Variants in NBPF12 observed in about 807,000 individuals in gnomAD.
NBPF12 encodes the protein NBPF member 12.
In NBPF12, 115 loss-of-function variants were observed where a neutral mutation model predicts 146.4. The ratio of observed to expected loss-of-function variants is 0.79; its 90% CI spans 0.68 to 0.92. The LOEUF (loss-of-function observed/expected upper bound fraction) is 0.92. NBPF12 is among the 40% of genes least tolerant of loss of function. The probability of loss-of-function intolerance (pLI) is 0.00; values close to 1 mark genes in which losing one functional copy is unlikely to be tolerated. For synonymous variants in NBPF12, 385 were observed against 508.9 expected (o/e 0.76, Z 3.28); for missense variants, 1,205 against 1,326.8 (o/e 0.91, Z 1.43).
rs1553886279 is a variant in NBPF12, at chr1:146,970,751, G to T, written c.1379+32G>T. ...CTGAATACTCAGGAGCAAGTAATGG[G>T]TGTTAACATATGAAAATGTCTAGGA... On this transcript the variant is annotated intron_variant, in intron 12 of 33. Transcript: ENST00000617844. 978 of 1,297,126 alleles carry T rather than the reference G, an allele frequency of 7.5e-4. 3 individuals carry two copies. The highest frequency in any genetic ancestry group is 1.1e-3 in the Non-Finnish European group (951 of 893,688). The allele number at this position is 1,297,126 out of a possible 1,614,324, so 80.4% of individuals were successfully genotyped here.
At chr1:146,949,138 C>G (rs1553883647), upstream of NBPF12, among the ~76,000 whole-genome samples, 17,300 of 122,944 alleles carry the variant, frequency 0.14, 1,092 homozygotes, top group South Asian at 0.34. Context: ...CCAGTGCCGG[C>G]ATGGGTCCTC....
chr1:146,941,287 G>A lies in NBPF12; in HGVS notation c.-821-2004G>A, dbSNP rs1276717532. 3.9e-4 allele frequency among the ~76,000 whole-genome samples: 59 copies of A among 151,880 alleles called. 1 individual carries two copies. The highest frequency in any genetic ancestry group is 1.3e-3 in the African/African-American group (55 of 41,364). On this transcript the variant is annotated intron_variant, in intron 1 of 35. Transcript: ENST00000617931. Reference sequence around the variant, plus strand: ...TTTACTAGACATGGGGTTTTGCCATGTTGCATAGCCCGATACGGAATTCCT... The same window carrying A: ...TTTACTAGACATGGGGTTTTGCCATATTGCATAGCCCGATACGGAATTCCT...
intron 10 of NBPF12, among the ~76,000 whole-genome samples, chr1:146,968,768 A>T (rs2101867726): frequency 6.6e-6 from 1 of 151,722 alleles, no homozygotes; most frequent in South Asian, 2.1e-4. Flanking sequence ...CTCTTTTTCA[A>T]ACAAGTAATT....
chr1:146,963,684 G>A (rs1234065914), intron 6 of NBPF12, among the ~76,000 whole-genome samples: 1 of 151,728 alleles, frequency 6.6e-6, no homozygotes, highest in Non-Finnish European at 1.5e-5. Flanking sequence ...GTGAGTGAGT[G>A]ATTTATCTTT....
upstream of NBPF12, among the ~76,000 whole-genome samples, chr1:146,945,862 G>A (rs1222720815): frequency 2.6e-5 from 4 of 151,938 alleles, no homozygotes; most frequent in African/African-American, 9.7e-5. Context: ...GTGGGTTTTG[G>A]CAATTACGTA....
At chr1:146,941,047 A>C (rs1654779046) in intron 1 of NBPF12, among the ~76,000 whole-genome samples, 1 of 151,148 alleles carries the variant, frequency 6.6e-6, no homozygotes, top group African/African-American at 2.4e-5. Context: ...TTGCGTTTTC[A>C]CTCTTTTAAT....
chr1:146,965,820 A>AAAAAAAAAAAT (rs1656164243), intron 8 of NBPF12, among the ~76,000 whole-genome samples: 1 of 138,096 alleles, frequency 7.2e-6, no homozygotes, highest in Non-Finnish European at 1.6e-5. Flanking sequence ...AAAAAAAAAA[A>AAAAAAAAAAAT]GTCTCTGACC....
rs1244656574 is a variant in NBPF12, at chr1:146,964,902, G to C, written c.576G>C (p.Gln192His). ...CCACCTGGCTCATCAGGGAGGTGCA[G>C]AAGGCTGAAGAGAGCAAAGTCCCTG... Residue 192 changes from glutamine (Q) to histidine (H), a missense_variant, in exon 8 of 34, where the codon CAG becomes CAC. Gln to His is a conservative substitution (Grantham distance 24). Coordinates refer to ENST00000617844, the Ensembl canonical transcript of NBPF12. 80 of 1,599,256 alleles carry C rather than the reference G, an allele frequency of 5.0e-5. 1 individual carries two copies. Among genetic ancestry groups the C allele is most frequent in the Non-Finnish European group, 6.1e-5 (71 of 1,170,098 alleles).
chr1:146,962,280 G>T lies in NBPF12; in HGVS notation c.278+17G>T, dbSNP rs1268531609. 1.9e-6 allele frequency: 3 copies of T among 1,594,986 alleles called. No individual in the cohort carries two copies. Among genetic ancestry groups the T allele is most frequent in the Non-Finnish European group, 2.6e-6 (3 of 1,171,626 alleles). On this transcript the variant is annotated intron_variant, in intron 5 of 33. Coordinates refer to ENST00000617844, the Ensembl canonical transcript of NBPF12. Reference sequence around the variant, plus strand: ...GGAGCTCAGGTGAGGGGACCCCATGGGGGGAGGCAGGCGGGTAGGTGTGTA... The same window carrying T: ...GGAGCTCAGGTGAGGGGACCCCATGTGGGGAGGCAGGCGGGTAGGTGTGTA...
chr1:146,941,373 C>T (rs1265747437), intron 1 of NBPF12, among the ~76,000 whole-genome samples: 12 of 151,932 alleles, frequency 7.9e-5, no homozygotes, highest in African/African-American at 2.4e-4. Flanking sequence ...GCATGAGCTA[C>T]TGCACCCGGC....
exon 8 of NBPF12, chr1:146,964,942 G>A: frequency 1.2e-6 from 2 of 1,608,404 alleles, no homozygotes; most frequent in Non-Finnish European, 8.5e-7. Flanking sequence ...CTCACTGGAG[G>A]AATGTGCCAT....
chr1:146,944,978 CCCTGCCTTCCTT>C, upstream of NBPF12, among the ~76,000 whole-genome samples: 1 of 68,936 alleles, frequency 1.5e-5, no homozygotes, highest in African/African-American at 7.1e-5. Flanking sequence ...CTCCCTCCCT[CCCTGCCTTCCTT>C]CCTCCCTCCC....
At chr1:146,944,235 A>G (rs1405236243) in intron 2 of NBPF12, among the ~76,000 whole-genome samples, 8 of 127,814 alleles carry the variant, frequency 6.3e-5, no homozygotes, top group African/African-American at 2.4e-4. Flanking sequence ...GGTGACTATT[A>G]GGTACCATGC....
intron 12 of NBPF12, 74 bp downstream of exon 15, chr1:146,970,793 C>T: frequency 2.5e-6 from 3 of 1,207,920 alleles, no homozygotes; most frequent in South Asian, 2.4e-5. Flanking sequence ...CCCTCTCTGG[C>T]ATCTATGATG....
intron 19 of NBPF12, among the ~76,000 whole-genome samples, chr1:146,981,077 C>T (rs1266341601): frequency 2.2e-5 from 3 of 136,302 alleles, no homozygotes; most frequent in Non-Finnish European, 3.1e-5. Flanking sequence ...GGGAATTGAA[C>T]AATGAGAACA....
chr1:146,948,062 A>G (rs1462247077), upstream of NBPF12, among the ~76,000 whole-genome samples: 1 of 151,852 alleles, frequency 6.6e-6, no homozygotes, highest in African/African-American at 2.4e-5. Context: ...TTGGGCTCGA[A>G]TGCAACGGCG....
intron 19 of NBPF12, 130 bp from the exon 23 acceptor site, chr1:146,982,798 C>T (rs1319511126): frequency 6.9e-7 from 1 of 1,443,072 alleles, no homozygotes; most frequent in African/African-American, 1.4e-5. Context: ...TTTTATTTCT[C>T]TTAAAGGAAA....
Position 146,971,402 on chromosome 1 carries a change from C to G in NBPF12, c.1591+8C>G. ...CTCTAAACATTCTCCCAGGTAGCCT[C>G]TATTTTCCTTGTGTCTCATACCTCT... On this transcript the variant is annotated splice_region_variant and intron_variant, in intron 13 of 33. Coordinates refer to ENST00000617844, the Ensembl canonical transcript of NBPF12. 5.0e-6 allele frequency: 8 copies of G among 1,607,448 alleles called. No homozygotes were observed. The South Asian group carries it at 6.6e-5, about 13-fold the overall frequency.
At chr1:146,969,036 G>A (rs1359496384) in intron 10 of NBPF12, among the ~76,000 whole-genome samples, 6 of 151,566 alleles carry the variant, frequency 4.0e-5, no homozygotes, top group East Asian at 1.9e-4. Context: ...TCTAGTGGCC[G>A]CAAGATGCAC....
Sources: allele counts gnomAD v4.1 joint callset (sites outside exome capture counted in the v4.1 genomes callset), GRCh38; gene constraint gnomAD v4.1.1; transcripts MANE v1.5; gene names NCBI Gene and HGNC (gene_info 2026-07-23, HGNC 2026-07-21).